ERC2: variants seen among roughly 807,000 people sequenced by gnomAD.
ERC2 encodes ELKS/RAB6-interacting/CAST family member 2.
In ERC2, 42 loss-of-function variants were observed where a neutral mutation model predicts 114.8. That is an observed-to-expected ratio of 0.37 (90% CI 0.29 to 0.47). The LOEUF (loss-of-function observed/expected upper bound fraction) is 0.47, where lower values mean the gene tolerates loss of function less well. Ranked by LOEUF, ERC2 falls within the 20% of genes least tolerant of loss-of-function variation. The pLI, the probability that ERC2 is intolerant of heterozygous loss-of-function variation, is 0.99. For missense variants in ERC2, 939 were observed against 1,150.7 expected (o/e 0.82, Z 2.66); for synonymous variants, 454 against 425.5 (o/e 1.07, Z -0.82).
chr3:55,710,644 T>G (rs1218674464), intron 15 of ERC2, among the ~76,000 whole-genome samples: 3 of 152,192 alleles, frequency 2.0e-5, no homozygotes, highest in African/African-American at 7.2e-5. Flanking sequence ...CCAAATGTAT[T>G]TAAACTTGAA....
At chr3:55,686,782 C>G (rs2062355975) in intron 16 of ERC2, among the ~76,000 whole-genome samples, 1 of 152,172 alleles carries the variant, frequency 6.6e-6, no homozygotes, top group Non-Finnish European at 1.5e-5. Context: ...AGTGGCTGTT[C>G]TGAATGCTGC....
rs57185789 is a variant in ERC2, at chr3:56,418,295, C to CAA, written c.657+16054_657+16055dup. ...TGGGTGATGGAGCGAGATCCTGTCT[C>CAA]AAAAAAAAAAAAAAAAAAAGGATTC... On this transcript the variant is annotated intron_variant, in intron 2 of 17. Transcript: ENST00000288221. Among the ~76,000 whole-genome samples, 91 of 75,118 alleles carry CAA rather than the reference C, an allele frequency of 1.2e-3. 1 individual carries two copies. In the East Asian group the frequency reaches 0.012, roughly 10 times the overall value. The allele number at this position is 75,118 out of a possible 152,430, so 49.3% of individuals were successfully genotyped here.
chr3:56,454,204 C>T (rs545522296), intron 1 of ERC2, among the ~76,000 whole-genome samples: 1 of 152,308 alleles, frequency 6.6e-6, no homozygotes, highest in East Asian at 1.9e-4. Flanking sequence ...TAAAAGGCAA[C>T]TCAATGTAGA....
intron 14 of ERC2, among the ~76,000 whole-genome samples, chr3:55,885,914 A>G (rs891220924): frequency 2.8e-4 from 43 of 152,234 alleles, no homozygotes; most frequent in Non-Finnish European, 3.1e-4. Flanking sequence ...AAGCAACAGG[A>G]TTCCACCCTG....
At chr3:56,444,249 G>T (rs535434506) in intron 1 of ERC2, among the ~76,000 whole-genome samples, 1 of 151,736 alleles carries the variant, frequency 6.6e-6, no homozygotes, top group African/African-American at 2.4e-5. Context: ...GGGATTACAG[G>T]CGTGAGCCAC....
rs538980317 is a variant in ERC2 at position 55,720,466 on chromosome 3, G to A, written c.2712+14305C>T. On this transcript the variant is annotated intron_variant, in intron 15 of 17. Transcript: ENST00000288221. ...GCGTCCAGCTAATTTTTGAGTTTTT[G>A]TGGAAATGAGGTCTCACTATGTTGG... Among the ~76,000 whole-genome samples the A allele has an allele frequency of 1.1e-4, 17 of 151,236 alleles. No individual in the cohort carries two copies. In the East Asian group the frequency reaches 3.4e-3, roughly 30 times the overall value.
intron 6 of ERC2, among the ~76,000 whole-genome samples, chr3:56,088,626 A>G (rs1035684884): frequency 1.3e-5 from 2 of 152,132 alleles, no homozygotes; most frequent in African/African-American, 4.8e-5. Context: ...CTTGAGTTTC[A>G]GTTTGGATAG....
At chr3:56,190,706 T>C (rs2083937753) in intron 3 of ERC2, among the ~76,000 whole-genome samples, 1 of 152,164 alleles carries the variant, frequency 6.6e-6, no homozygotes, top group Admixed American at 6.5e-5. Context: ...CCCAAGAGGC[T>C]GGGACCACAG....
chr3:55,537,880 C>G (rs1350923803), intron 17 of ERC2, among the ~76,000 whole-genome samples: 2 of 152,168 alleles, frequency 1.3e-5, no homozygotes, highest in Non-Finnish European at 2.9e-5. Context: ...GGCTTCTGAA[C>G]CACAAATGAA....
intron 7 of ERC2, among the ~76,000 whole-genome samples, chr3:56,032,949 AAGAAAGAAACAGAAAGAAAGAAAGAAAG>A (rs2074502315): frequency 3.9e-5 from 3 of 76,140 alleles, no homozygotes; most frequent in African/African-American, 1.2e-4. Flanking sequence ...GAAAGAAAGA[AAGAAAGAAACAGAAAGAAAGAAAGAAAG>A]AGAAAGAAAG....
intron 15 of ERC2, among the ~76,000 whole-genome samples, chr3:55,714,681 A>ATG (rs1559539057): frequency 6.0e-3 from 49 of 8,128 alleles, no homozygotes; most frequent in African/African-American, 0.016. Context: ...ATATATATAT[A>ATG]TATATATATA....
intron 15 of ERC2, among the ~76,000 whole-genome samples, chr3:55,715,296 C>T (rs1477452928): frequency 6.6e-6 from 1 of 152,162 alleles, no homozygotes; most frequent in East Asian, 1.9e-4. Flanking sequence ...TGGATCAAGT[C>T]ACTGTCTATC....
intron 5 of ERC2, among the ~76,000 whole-genome samples, chr3:56,142,946 G>A (rs1293699575): frequency 6.6e-6 from 1 of 151,944 alleles, no homozygotes; most frequent in East Asian, 1.9e-4. Context: ...GAATGTAGCT[G>A]CTTTAAGCTA....
intron 17 of ERC2, among the ~76,000 whole-genome samples, chr3:55,641,193 A>G (rs2148655015): frequency 6.6e-6 from 1 of 152,298 alleles, no homozygotes; most frequent in Admixed American, 6.5e-5. Flanking sequence ...ACCCAATGCC[A>G]TTGTTTTTAG....
intron 2 of ERC2, among the ~76,000 whole-genome samples, chr3:56,427,889 A>G (rs1428327633): frequency 1.3e-5 from 2 of 151,942 alleles, no homozygotes; most frequent in African/African-American, 4.8e-5. Context: ...ATACAATTCA[A>G]CCCCCACAAA....
chr3:55,973,148 G>C (rs2069304175), intron 12 of ERC2, among the ~76,000 whole-genome samples: 1 of 152,170 alleles, frequency 6.6e-6, no homozygotes, highest in Admixed American at 6.5e-5. Flanking sequence ...ATTTTATCTG[G>C]AGTAGAGGAC....
At chr3:56,347,674 A>G (rs890814322) in intron 2 of ERC2, among the ~76,000 whole-genome samples, 16 of 152,152 alleles carry the variant, frequency 1.1e-4, no homozygotes, top group Admixed American at 6.5e-5. Flanking sequence ...AGGTCTGGGT[A>G]CCAGGCCCTC....
chr3:55,783,708 G>GA (rs5849109), intron 14 of ERC2, among the ~76,000 whole-genome samples: 7 of 150,862 alleles, frequency 4.6e-5, no homozygotes, highest in Admixed American at 6.6e-5. Flanking sequence ...TGAGAATATA[G>GA]AAAAAAAAAT....
At chr3:55,511,522 G>A (rs550434826) in intron 17 of ERC2, among the ~76,000 whole-genome samples, 5 of 152,236 alleles carry the variant, frequency 3.3e-5, no homozygotes, top group South Asian at 4.1e-4. Flanking sequence ...AATATGTCAC[G>A]TATATGTATA....
Sources: gnomAD v4.1 joint callset for allele counts (sites outside exome capture counted in the v4.1 genomes callset) on GRCh38, gnomAD v4.1.1 for gene constraint, MANE v1.5 for transcripts, NCBI Gene and HGNC (gene_info 2026-07-23, HGNC 2026-07-21) for gene names.